SHB: variants seen among roughly 807,000 people sequenced by gnomAD.
SHB encodes SH2 domain containing adaptor protein B.
Under a neutral mutation model 52.3 loss-of-function variants are expected in SHB, and 20 were observed. The ratio of observed to expected loss-of-function variants is 0.38; its 90% CI spans 0.27 to 0.56. The LOEUF (loss-of-function observed/expected upper bound fraction) is 0.56. Among genes scored for constraint, SHB ranks in the 20% least tolerant of loss-of-function variants. The probability of loss-of-function intolerance (pLI) is 0.71; values close to 1 mark genes in which losing one functional copy is unlikely to be tolerated. For synonymous variants in SHB, 397 were observed against 316.5 expected (o/e 1.25, Z -2.70); for missense variants, 825 against 723.3 (o/e 1.14, Z -1.61).
intron 1 of SHB, among the ~76,000 whole-genome samples, chr9:38,065,731 T>C (rs1450908748): frequency 2.0e-5 from 3 of 152,096 alleles, no homozygotes; most frequent in Non-Finnish European, 4.4e-5. Flanking sequence ...CCATATCTGA[T>C]CACAACACTC....
At chr9:38,046,678 T>C (rs976730939) in intron 1 of SHB, among the ~76,000 whole-genome samples, 4 of 152,228 alleles carry the variant, frequency 2.6e-5, no homozygotes, top group Admixed American at 2.0e-4. Flanking sequence ...CGCAAGCCTC[T>C]AACACGGAAG....
Position 37,920,008 on chromosome 9 carries a change from T to C in SHB, c.1347-4A>G, listed in dbSNP as rs756415852. ...GTGCATAAAACCCTGGTTGCTCCTG[T>C]GAACAAAACACAGAGTTATCAGAAC... On this transcript the variant is annotated splice_region_variant and splice_polypyrimidine_tract_variant and intron_variant, in intron 5 of 5. Coordinates refer to ENST00000377707, the MANE Select transcript of SHB (RefSeq NM_003028.3). 2 of 1,612,822 alleles carry C rather than the reference T, an allele frequency of 1.2e-6. No homozygotes were observed. Among genetic ancestry groups the C allele is most frequent in the Non-Finnish European group, 1.7e-6 (2 of 1,178,990 alleles).
chr9:37,947,740 C>T (rs1450963114), intron 5 of SHB, among the ~76,000 whole-genome samples: 1 of 152,188 alleles, frequency 6.6e-6, no homozygotes, highest in Non-Finnish European at 1.5e-5. Context: ...TCCTGACAAC[C>T]GTGTCCCTGC....
intron 1 of SHB, among the ~76,000 whole-genome samples, chr9:38,027,690 T>G (rs1821361864): frequency 6.6e-6 from 1 of 151,240 alleles, no homozygotes; most frequent in South Asian, 2.1e-4. Context: ...CCCCTCAGAA[T>G]TACCTTACCA....
chr9:38,066,438 C>G (rs944025462), intron 1 of SHB, among the ~76,000 whole-genome samples: 1 of 152,206 alleles, frequency 6.6e-6, no homozygotes, highest in African/African-American at 2.4e-5. Flanking sequence ...CGGAGCCTAT[C>G]TGGTGTTTCC....
intron 2 of SHB, among the ~76,000 whole-genome samples, chr9:37,996,263 C>T (rs551198342): frequency 6.6e-6 from 1 of 152,328 alleles, no homozygotes; most frequent in Admixed American, 6.5e-5. Context: ...TGAACCCCTC[C>T]CCTTCCCTCA....
intron 2 of SHB, among the ~76,000 whole-genome samples, chr9:37,976,991 A>G (rs186244771): frequency 3.3e-5 from 5 of 152,332 alleles, no homozygotes; most frequent in South Asian, 4.1e-4. Context: ...TGTGATCATT[A>G]GTGTTTACAT....
chr9:37,977,994 G>A (rs767636321), intron 2 of SHB, among the ~76,000 whole-genome samples: 3 of 152,136 alleles, frequency 2.0e-5, no homozygotes, highest in Non-Finnish European at 4.4e-5. Flanking sequence ...TCACTCTCAC[G>A]CCAAAGAGAT....
intron 2 of SHB, among the ~76,000 whole-genome samples, chr9:37,998,516 G>A (rs926337847): frequency 2.8e-4 from 42 of 152,172 alleles, no homozygotes; most frequent in Admixed American, 7.2e-4. Flanking sequence ...GCCGTGGCAC[G>A]GTCTCAGTTC....
intron 2 of SHB, among the ~76,000 whole-genome samples, chr9:37,983,601 G>A (rs1193160112): frequency 1.3e-5 from 2 of 152,150 alleles, no homozygotes; most frequent in Non-Finnish European, 2.9e-5. Context: ...GGGCTTGTCT[G>A]GGAATCCATA....
chr9:37,948,272 T>C (rs575190263), intron 5 of SHB, among the ~76,000 whole-genome samples: 1 of 152,226 alleles, frequency 6.6e-6, no homozygotes, highest in East Asian at 1.9e-4. Flanking sequence ...CATCTGCAAA[T>C]TGGCGACGAT....
intron 3 of SHB, among the ~76,000 whole-genome samples, chr9:37,965,584 T>TC (rs1820502324): frequency 1.3e-5 from 2 of 151,618 alleles, no homozygotes; most frequent in African/African-American, 4.8e-5. Flanking sequence ...ATCTTTTTTT[T>TC]TTTTTTTCTC....
At chr9:37,947,746 C>T (rs147949034) in intron 5 of SHB, among the ~76,000 whole-genome samples, 280 of 152,308 alleles carry the variant, frequency 1.8e-3, no homozygotes, top group African/African-American at 6.3e-3. Flanking sequence ...CAACCGTGTC[C>T]CTGCAGGCCG....
At chr9:37,973,106 T>C (rs1649864378) in intron 3 of SHB, among the ~76,000 whole-genome samples, 1 of 152,214 alleles carries the variant, frequency 6.6e-6, no homozygotes, top group Non-Finnish European at 1.5e-5. Context: ...GAACATCACC[T>C]TTTAGAGGCT....
intron 1 of SHB, among the ~76,000 whole-genome samples, chr9:38,037,059 C>T (rs958767701): frequency 1.6e-4 from 25 of 152,204 alleles, no homozygotes; most frequent in African/African-American, 4.8e-4. Context: ...CCCCGCAGCA[C>T]GGGAGCTGGG....
At chr9:38,001,824 A>G (rs750047418) in intron 2 of SHB, among the ~76,000 whole-genome samples, 1 of 152,166 alleles carries the variant, frequency 6.6e-6, no homozygotes, top group Admixed American at 6.5e-5. Flanking sequence ...CAGTTCACCC[A>G]CACTTACCCG....
intron 1 of SHB, among the ~76,000 whole-genome samples, chr9:38,047,226 T>G (rs1206746112): frequency 6.6e-6 from 1 of 152,276 alleles, no homozygotes; most frequent in Non-Finnish European, 1.5e-5. Flanking sequence ...CTTACTTGTA[T>G]GAAAAATAGT....
chr9:38,017,665 C>G (rs1161732458), intron 1 of SHB, among the ~76,000 whole-genome samples: 1 of 152,248 alleles, frequency 6.6e-6, no homozygotes, highest in African/African-American at 2.4e-5. Flanking sequence ...TCTATGGCTC[C>G]CGCTGCCGCT....
At chr9:38,007,607 G>A (rs1821088898) in intron 2 of SHB, among the ~76,000 whole-genome samples, 1 of 152,150 alleles carries the variant, frequency 6.6e-6, no homozygotes, top group Admixed American at 6.5e-5. Flanking sequence ...AGGACTCTGT[G>A]GACCAGCCCA....
Sources: allele counts gnomAD v4.1 joint callset (sites outside exome capture counted in the v4.1 genomes callset), GRCh38; gene constraint gnomAD v4.1.1; transcripts MANE v1.5; gene names NCBI Gene and HGNC (gene_info 2026-07-23, HGNC 2026-07-21).